Variants in PRAMEF2 observed in about 807,000 individuals in gnomAD.
PRAMEF2 encodes the protein PRAME family member 2.
Under a neutral mutation model 38.0 loss-of-function variants are expected in PRAMEF2, and 35 were observed. The ratio of observed to expected loss-of-function variants is 0.92; its 90% CI spans 0.70 to 1.22. The LOEUF (loss-of-function observed/expected upper bound fraction) is 1.22, where lower values mean the gene tolerates loss of function less well. Ranked by LOEUF, PRAMEF2 falls within the 50% of genes most tolerant of loss-of-function variation. The probability of loss-of-function intolerance (pLI) is 0.00; values close to 1 mark genes in which losing one functional copy is unlikely to be tolerated. For missense variants in PRAMEF2, 562 were observed against 553.9 expected, an observed-to-expected ratio of 1.01 and a Z score of -0.15; for synonymous variants, 240 against 232.4, an observed-to-expected ratio of 1.03 and a Z score of -0.30.
intron 1 of PRAMEF2, among the ~76,000 whole-genome samples, chr1:12,857,793 G>C (rs1437527999): frequency 7.0e-6 from 1 of 143,498 alleles, no homozygotes; most frequent in Non-Finnish European, 1.5e-5. Context: ...CTGCCTCCTA[G>C]TTACATGTGA....
In PRAMEF2 at chr1:12,860,269, C is replaced by A; in HGVS notation, c.864C>A (p.Ile288=). The part of the protein sequence containing the change: ...TFFSGHLEQL[I]RCLQNPLENL... ...TCAGTGGGCACCTGGAACAGCTGAT[C>A]AGGTGAGAAAGGATTGTGCACTTTG... The change falls in exon 3 of 4, where the codon ATC becomes ATA. Residue 288 remains isoleucine (I), a splice_region_variant and synonymous_variant. Coordinates refer to ENST00000240189, the MANE Select transcript of PRAMEF2 (RefSeq NM_023014.1). 1 of 1,606,770 alleles carries A rather than the reference C, an allele frequency of 6.2e-7. No individual in the cohort carries two copies. The highest frequency in any genetic ancestry group is 8.5e-7 in the Non-Finnish European group (1 of 1,176,570).
chr1:12,859,192 C>T lies in PRAMEF2; in HGVS notation c.183C>T (p.Phe61=), dbSNP rs1640497218. The change falls in exon 2 of 4, where the codon TTC becomes TTT. Residue 61 remains phenylalanine, a synonymous_variant. Transcript: ENST00000240189. ...CGGTGATGGTGCAGGCCTGGCCTTT[C>T]ACCTGCCTCCCTCTGGTATCGCTGA... The part of the protein sequence containing the change: ...TLTVMVQAWP[F]TCLPLVSLMK... The T allele has an allele frequency of 6.2e-7, 1 of 1,609,520 alleles. No homozygotes were observed. The highest frequency in any genetic ancestry group is 1.3e-5 in the African/African-American group (1 of 74,456).
chr1:12,860,288 C>A lies in PRAMEF2; in HGVS notation c.866+17C>A, dbSNP rs200616844. 2 of 1,445,616 alleles carry A rather than the reference C, an allele frequency of 1.4e-6. 1 individual carries two copies. Among genetic ancestry groups the A allele is most frequent in the Non-Finnish European group, 1.9e-6 (2 of 1,069,930 alleles). 89.5% of individuals were successfully genotyped at this position (1,445,616 alleles called of 1,614,324 possible). On this transcript the variant is annotated intron_variant, in intron 3 of 3. Transcript: ENST00000240189. ...GCTGATCAGGTGAGAAAGGATTGTG[C>A]ACTTTGTATGCAGACCACAGCACAG...
chr1:12,861,515 T>C lies in PRAMEF2; in HGVS notation c.1161T>C (p.Asn387=), dbSNP rs760882810. Residue 387 remains asparagine (N), a synonymous_variant, in exon 4 of 4, where the codon AAT becomes AAC. Coordinates refer to ENST00000240189, the MANE Select transcript of PRAMEF2 (RefSeq NM_023014.1). ...TCACCACCTTCTACTTTGGCAGCAA[T>C]TGCATGTCTATTGACGCCCTGAAGG... ...SQLTTFYFGS[N]CMSIDALKDL... is the part of the protein sequence containing the mutation. 1.9e-6 allele frequency: 3 copies of C among 1,605,602 alleles called. No homozygotes were observed. Among genetic ancestry groups the C allele is most frequent in the South Asian group, 2.2e-5 (2 of 90,622 alleles).
Position 12,860,207 on chromosome 1 carries a change from C to A in PRAMEF2, c.802C>A (p.His268Asn). ...CACCTCTGTGTTCCTCAGGCTGGAA[C>A]ACCTCCAGTTGCTTAAAATAAAATT... ...RFTSVFLRLE[H>N]LQLLKIKLIT... The change falls in exon 3 of 4, where the codon CAC becomes AAC. Residue 268 changes from histidine (H) to asparagine (N), a missense_variant. By Grantham distance (68) the His-to-Asn change is moderately conservative. Coordinates refer to ENST00000240189, the MANE Select transcript of PRAMEF2 (RefSeq NM_023014.1). 1 of 1,606,956 alleles carries A rather than the reference C, an allele frequency of 6.2e-7. No homozygotes were observed. Among genetic ancestry groups the A allele is most frequent in the South Asian group, 1.1e-5 (1 of 90,532 alleles).
At chr1:12,861,038 C>T (rs1181492894) in intron 3 of PRAMEF2, among the ~76,000 whole-genome samples, 183 bp from the exon 4 acceptor site, 1 of 149,828 alleles carries the variant, frequency 6.7e-6, no homozygotes, top group Non-Finnish European at 1.5e-5. Context: ...AGGGCTGAGG[C>T]TAAAATGGGA....
rs202096762 is a variant in PRAMEF2 at position 12,861,423 on chromosome 1, G to C, written c.1069G>C (p.Glu357Gln). ...TGCCTCTCTCGAGACCCTCGTGTTA[G>C]AGGGCTGTCAGATCCACTACTCCCA... ...IAASLETLVL[E>Q]GCQIHYSQLS... is the part of the protein sequence containing the mutation. Residue 357 changes from glutamate to glutamine, a missense_variant, in exon 4 of 4, where the codon GAG becomes CAG. Around this residue, in one of 2 missense-constraint regions of PRAMEF2, gnomAD observed 486 missense variants for 444.2 expected, o/e 1.09. Transcript: ENST00000240189. 1 of 1,599,778 alleles carries C rather than the reference G, an allele frequency of 6.3e-7. No homozygotes were observed. The highest frequency in any genetic ancestry group is 1.7e-5 in the Admixed American group (1 of 57,636).
Position 12,859,758 on chromosome 1 carries a change from G to C in PRAMEF2, c.353G>C (p.Gly118Ala), listed in dbSNP as rs752345028. ...VDENFWARWPGAWALSCFPEA... is the reference protein window; with the variant it reads ...VDENFWARWPAAWALSCFPEA... Reference sequence around the variant, plus strand: ...GAGAATTTCTGGGCCAGATGGCCTGGAGCCTGGGCCCTGTCCTGCTTCCCA... The same window carrying C: ...GAGAATTTCTGGGCCAGATGGCCTGCAGCCTGGGCCCTGTCCTGCTTCCCA... Residue 118 changes from glycine (G) to alanine (A), a missense_variant, in exon 3 of 4, where the codon GGA becomes GCA. Physicochemically the swap from Gly to Ala is moderately conservative, Grantham distance 60. This residue lies in a region of PRAMEF2 where 486 missense variants were observed against 444.2 expected (regional missense o/e 1.09). Transcript: ENST00000240189. 6.2e-6 allele frequency: 10 copies of C among 1,606,326 alleles called. No individual in the cohort carries two copies. The highest frequency in any genetic ancestry group is 3.4e-5 in the Admixed American group (2 of 58,380).
In PRAMEF2 at chr1:12,859,168, G is replaced by A. The variant is rs139784691; in HGVS notation, c.159G>A (p.Thr53=). 1.4e-5 allele frequency: 23 copies of A among 1,608,400 alleles called. 2 individuals carry two copies. Among genetic ancestry groups the A allele is most frequent in the Middle Eastern group, 1.7e-4 (1 of 6,026 alleles). The change falls in exon 2 of 4, where the codon ACG becomes ACA. Residue 53 remains threonine (T), a synonymous_variant. Coordinates refer to ENST00000240189, the MANE Select transcript of PRAMEF2 (RefSeq NM_023014.1). ...AFSRRHFQTL[T]VMVQAWPFTC... ...GCAGGAGACACTTCCAGACTCTGACGGTGATGGTGCAGGCCTGGCCTTTCA... is the reference window on the plus strand; with the variant it reads ...GCAGGAGACACTTCCAGACTCTGACAGTGATGGTGCAGGCCTGGCCTTTCA...
Position 12,861,374 on chromosome 1 carries a change from A to C in PRAMEF2, c.1020A>C (p.Leu340=), listed in dbSNP as rs1063789. ...TGTTCCGCATCAGTCTTGAACCCCT[A>C]GGAGCTCTGCTAGAGAAAATTGCTG... ...VLLFRISLEP[L]GALLEKIAAS... Residue 340 remains leucine (L), a synonymous_variant, in exon 4 of 4, where the codon CTA becomes CTC. Transcript: ENST00000240189. 3.7e-3 allele frequency: 5,658 copies of C among 1,548,406 alleles called. 432 individuals are homozygous for C. The highest frequency in any genetic ancestry group is 0.03 in the East Asian group (1,032 of 34,074).
In PRAMEF2 at chr1:12,858,867, T is replaced by C. The variant is rs547059689; in HGVS notation, c.-25-118T>C. ...TTTGAGGCCAACAAGCACAGTGGAATTGGGGTAAAGTGGTAATTTTTCTAC... is the reference window on the plus strand; with the variant it reads ...TTTGAGGCCAACAAGCACAGTGGAACTGGGGTAAAGTGGTAATTTTTCTAC... On this transcript the variant is annotated intron_variant, in intron 1 of 3. Transcript: ENST00000240189. 119 of 1,178,664 alleles carry C rather than the reference T, an allele frequency of 1.0e-4. 8 individuals are homozygous for C. In the African/African-American group the frequency reaches 1.8e-3, roughly 18 times the overall value. The allele number at this position is 1,178,664 out of a possible 1,614,324, so 73.0% of individuals were successfully genotyped here. A position where few individuals can be genotyped will look rare whatever the true frequency, so the allele number is the denominator to read the frequency against.
At chr1:12,857,368 T>C (rs1446571582) in intron 1 of PRAMEF2, among the ~76,000 whole-genome samples, 2 of 149,652 alleles carry the variant, frequency 1.3e-5, no homozygotes, top group African/African-American at 2.5e-5. Context: ...TGGAAGCAGG[T>C]TTTTTAAAAA....
intron 3 of PRAMEF2, among the ~76,000 whole-genome samples, chr1:12,860,878 A>C (rs1640535927): frequency 6.7e-6 from 1 of 149,946 alleles, no homozygotes. Flanking sequence ...GCCCTAGCTG[A>C]TGTCCCTAGA....
At chr1:12,858,565 G>C (rs146257972) in intron 1 of PRAMEF2, among the ~76,000 whole-genome samples, 4 of 150,124 alleles carry the variant, frequency 2.7e-5, no homozygotes, top group African/African-American at 9.8e-5. Flanking sequence ...AGTCCCTTTA[G>C]TGTTCCCCCA....
In PRAMEF2 at chr1:12,858,868, T is replaced by TG; in HGVS notation, c.-25-113dup. 5.1e-6 allele frequency: 6 copies of TG among 1,186,332 alleles called. 2 individuals are homozygous for TG. The Admixed American group carries it at 1.6e-4, about 32-fold the overall frequency. 73.5% of individuals were successfully genotyped at this position (1,186,332 alleles called of 1,614,324 possible). ...TTGAGGCCAACAAGCACAGTGGAATTGGGGTAAAGTGGTAATTTTTCTACC... is the reference window on the plus strand; with the variant it reads ...TTGAGGCCAACAAGCACAGTGGAATTGGGGGTAAAGTGGTAATTTTTCTACC... On this transcript the variant is annotated intron_variant, in intron 1 of 3. Coordinates refer to ENST00000240189, the MANE Select transcript of PRAMEF2 (RefSeq NM_023014.1).
chr1:12,858,129 G>A (rs1640476528), intron 1 of PRAMEF2, among the ~76,000 whole-genome samples: 1 of 149,932 alleles, frequency 6.7e-6, no homozygotes, highest in Non-Finnish European at 1.5e-5. Flanking sequence ...GGAGTGCAGG[G>A]CCCTGAGCTG....
At position 12,858,986 on chromosome 1, in the gene PRAMEF2, G is replaced by A. The variant is rs1322408262; in HGVS notation, c.-24G>A. 5 of 1,596,252 alleles carry A rather than the reference G, an allele frequency of 3.1e-6. No individual in the cohort carries two copies. Among genetic ancestry groups the A allele is most frequent in the East Asian group, 2.2e-5 (1 of 44,692 alleles). On this transcript the variant is annotated splice_region_variant and 5_prime_UTR_variant, in exon 2 of 4. Transcript: ENST00000240189. ...ATTCTCCCTGGATTTGTCTTCTAGA[G>A]ATTTTTCTTGCAGATCCATCAGGAT...
In PRAMEF2 at chr1:12,860,034, T is replaced by G. The variant is rs144653027; in HGVS notation, c.629T>G (p.Leu210Arg). The G allele has an allele frequency of 4.5e-4, 730 of 1,606,776 alleles. 45 individuals carry two copies. The highest frequency in any genetic ancestry group is 6.0e-4 in the Non-Finnish European group (709 of 1,176,590). ...KIIYINSIGE[L>R]EIHNTCWPHL... Reference sequence around the variant, plus strand: ...ATATACATTAATAGTATTGGGGAGCTGGAAATTCACAACACGTGCTGGCCA... The same window carrying G: ...ATATACATTAATAGTATTGGGGAGCGGGAAATTCACAACACGTGCTGGCCA... The change falls in exon 3 of 4, where the codon CTG becomes CGG. Residue 210 changes from leucine (L) to arginine (R), a missense_variant. Around this residue, in one of 2 missense-constraint regions of PRAMEF2, gnomAD observed 486 missense variants for 444.2 expected, o/e 1.09. Transcript: ENST00000240189.
intron 2 of PRAMEF2, 101 bp from the exon 3 acceptor site, chr1:12,859,592 G>C (rs570555659): frequency 6.5e-6 from 10 of 1,538,546 alleles, no homozygotes; most frequent in Non-Finnish European, 8.9e-6. Flanking sequence ...AGAACAGGGA[G>C]CACTGAGGAC....
Sources: allele counts gnomAD v4.1 joint callset (sites outside exome capture counted in the v4.1 genomes callset), GRCh38; gene constraint gnomAD v4.1.1; regional missense constraint gnomAD v4.1.1; transcripts MANE v1.5; gene names NCBI Gene and HGNC (gene_info 2026-07-23, HGNC 2026-07-21).